Variants in VWA2 observed in about 807,000 individuals in gnomAD.
The protein encoded by VWA2 is von Willebrand factor A domain containing 2, also known as von Willebrand factor A domain-containing protein 2.
A neutral mutation model predicts 70.4 loss-of-function variants in VWA2; 73 were observed. The ratio of observed to expected loss-of-function variants is 1.04; its 90% CI spans 0.86 to 1.26. The LOEUF is 1.26. VWA2 is among the 50% of genes most tolerant of loss of function. The pLI is 0.00. For synonymous variants in VWA2, 407 were observed against 423.3 expected (o/e 0.96, Z 0.47); for missense variants, 1,011 against 998.5 (o/e 1.01, Z -0.17).
chr10:114,278,654 G>C (rs547927919), intron 7 of VWA2, 65 bp from the exon 8 acceptor site: 2 of 1,597,622 alleles, frequency 1.3e-6, no homozygotes, highest in South Asian at 1.1e-5. Context: ...CTGGGGAAGC[G>C]TGTGTGGCAG....
At chr10:114,254,811 G>A (rs2037285757) in intron 3 of VWA2, 104 bp from the exon 4 acceptor site, 1 of 1,489,648 alleles carries the variant, frequency 6.7e-7, no homozygotes, top group African/African-American at 1.4e-5. Flanking sequence ...ATGCTAAGAG[G>A]GACAGCAGCC....
chr10:114,274,295 A>G (rs1263546862), intron 6 of VWA2, among the ~76,000 whole-genome samples: 3 of 152,202 alleles, frequency 2.0e-5, no homozygotes, highest in African/African-American at 7.2e-5. Flanking sequence ...AAGCAGGGGA[A>G]TGATATCTTC....
chr10:114,272,752 G>A lies in VWA2; in HGVS notation c.384G>A (p.Thr128=), dbSNP rs761067619. The change falls in exon 6 of 14, where the codon ACG becomes ACA. Residue 128 remains threonine (T), a synonymous_variant. Transcript: ENST00000392982. ...TGGGTGTGCACAGAGGAGGGCGCACGGAGACGGAACTTGCTCTGAAATACC... is the reference window on the plus strand; with the variant it reads ...TGGGTGTGCACAGAGGAGGGCGCACAGAGACGGAACTTGCTCTGAAATACC... ...IKRMVFKGGR[T]ETELALKYLL... 2.0e-5 allele frequency: 32 copies of A among 1,605,822 alleles called. No homozygotes were observed. In the South Asian group the frequency reaches 2.5e-4, roughly 12 times the overall value.
rs767669172 is a variant in VWA2 at position 114,278,880 on chromosome 10, G to C, written c.833+29G>C. The C allele has an allele frequency of 2.9e-5, 47 of 1,610,552 alleles. No individual in the cohort carries two copies. The Admixed American group carries it at 6.3e-4, about 22-fold the overall frequency. On this transcript the variant is annotated intron_variant, in intron 8 of 13. Coordinates refer to ENST00000392982, the MANE Select transcript of VWA2 (RefSeq NM_001272046.2). ...TGTCTGCGCGGTCTGGGCTCGGCCT[G>C]GGTGGAGATGAAGGCCCCCACCCCT...
Position 114,289,139 on chromosome 10 carries a change from G to GAT in VWA2, c.1772_1773insAT (p.Ala592TrpfsTer14). 1.2e-6 allele frequency: 2 copies of GAT among 1,613,914 alleles called. No individual in the cohort carries two copies. Among genetic ancestry groups the GAT allele is most frequent in the Non-Finnish European group, 1.7e-6 (2 of 1,179,978 alleles). On this transcript the variant is annotated frameshift_variant, in exon 12 of 14. Coordinates refer to ENST00000392982, the MANE Select transcript of VWA2 (RefSeq NM_001272046.2). LOFTEE classifies it high-confidence loss of function. ...TTCGGGCTGGACACCAAACCCACCC[G>GAT]GGCTGCGATGCTGCGGGCCATTAGC...
At chr10:114,253,151 C>G (rs1589742503) in intron 2 of VWA2, among the ~76,000 whole-genome samples, 1 of 140,488 alleles carries the variant, frequency 7.1e-6, no homozygotes, top group Non-Finnish European at 1.5e-5. Context: ...CTGTGGCCTC[C>G]TCAGTGTCTT....
chr10:114,272,843 G>T lies in VWA2; in HGVS notation c.475G>T (p.Asp159Tyr). Residue 159 changes from aspartate (D) to tyrosine (Y), a missense_variant, in exon 6 of 14, where the codon GAT (aspartate) becomes TAT (tyrosine). Physicochemically the swap from Asp to Tyr is radical, Grantham distance 160. Transcript: ENST00000392982. Reference sequence around the variant, plus strand: ...GCCCCAGATCCTCATCATCGTCACTGATGGGAAGTCCCAGGGGGATGTGGC... The same window carrying T: ...GCCCCAGATCCTCATCATCGTCACTTATGGGAAGTCCCAGGGGGATGTGGC... Reference protein sequence around the residue: ...SVPQILIIVTDGKSQGDVALP... With the variant: ...SVPQILIIVTYGKSQGDVALP... The T allele has an allele frequency of 6.2e-7, 1 of 1,614,108 alleles. No individual in the cohort carries two copies. The highest frequency in any genetic ancestry group is 8.5e-7 in the Non-Finnish European group (1 of 1,180,012).
chr10:114,278,854 TTGTC>T lies in VWA2; in HGVS notation c.833+6_833+9del. 1 of 1,612,708 alleles carries T rather than the reference TTGTC, an allele frequency of 6.2e-7. No individual in the cohort carries two copies. The highest frequency in any genetic ancestry group is 8.5e-7 in the Non-Finnish European group (1 of 1,180,002). On this transcript the variant is annotated splice_donor_5th_base_variant and intron_variant, in intron 8 of 13. Coordinates refer to ENST00000392982, the MANE Select transcript of VWA2 (RefSeq NM_001272046.2). ...GCTGCACACTGTCCCTTCTACAGGT[TTGTC>T]TGCGCGGTCTGGGCTCGGCCTGGGT...
At chr10:114,287,721 G>A (rs1300549283) in intron 11 of VWA2, among the ~76,000 whole-genome samples, 2 of 152,106 alleles carry the variant, frequency 1.3e-5, no homozygotes, top group African/African-American at 4.8e-5. Context: ...TAGATTTATA[G>A]GAAAAAATAA....
At chr10:114,284,568 C>T (rs1475024164) in intron 9 of VWA2, among the ~76,000 whole-genome samples, 2 of 152,238 alleles carry the variant, frequency 1.3e-5, no homozygotes, top group Non-Finnish European at 2.9e-5. Context: ...GAGGCACCCA[C>T]ACTTGATGCT....
rs2039867781 is a variant in VWA2, at chr10:114,294,293, A to T, written c.*3056A>T. Among the ~76,000 whole-genome samples, 1 of 152,176 alleles carries T rather than the reference A, an allele frequency of 6.6e-6. No homozygotes were observed. The highest frequency in any genetic ancestry group is 6.5e-5 in the Admixed American group (1 of 15,274). On this transcript the variant is annotated 3_prime_UTR_variant, in exon 14 of 14. Coordinates refer to ENST00000392982, the MANE Select transcript of VWA2 (RefSeq NM_001272046.2). ...CAGAGCTATACTAACCTTATAATGG[A>T]AAATACATATTTCTCAAACTTTTAC... is the stretch of plus-strand genomic sequence containing the variant.
rs1564734506 is a variant in VWA2, at chr10:114,282,543, T to A, written c.861T>A (p.Pro287=). 6.2e-7 allele frequency: 1 copy of A among 1,614,038 alleles called. No individual in the cohort carries two copies. The highest frequency in any genetic ancestry group is 8.5e-7 in the Non-Finnish European group (1 of 1,180,006). ...YSWKRVFLTH[P]ATCYRTTCPG... is the part of the protein sequence containing the mutation. ...GGAAGAGAGTGTTCCTAACCCACCC[T>A]GCCACCTGCTACAGGACCACCTGCC... Residue 287 remains proline, a synonymous_variant, in exon 9 of 14, where the codon CCT becomes CCA. Coordinates refer to ENST00000392982, the MANE Select transcript of VWA2 (RefSeq NM_001272046.2).
chr10:114,273,603 C>T (rs1379094418), intron 6 of VWA2, among the ~76,000 whole-genome samples: 2 of 152,146 alleles, frequency 1.3e-5, no homozygotes, highest in Non-Finnish European at 2.9e-5. Flanking sequence ...AAAAAATGGA[C>T]GTCACTTATG....
chr10:114,271,222 A>G (rs1175833643), intron 5 of VWA2, among the ~76,000 whole-genome samples: 1 of 152,206 alleles, frequency 6.6e-6, no homozygotes, highest in East Asian at 1.9e-4. Flanking sequence ...CACAGGTTGA[A>G]AAAAAAGTAA....
rs117347380 is a variant in VWA2, at chr10:114,245,211, C to T, written c.-10-3493C>T. Reference sequence around the variant, plus strand: ...CTATTTTAATGAGCAGAAACTTGGGCGCCTCTGGAAAAACATGCAGCTGGG... The same window carrying T: ...CTATTTTAATGAGCAGAAACTTGGGTGCCTCTGGAAAAACATGCAGCTGGG... On this transcript the variant is annotated intron_variant, in intron 1 of 13. Transcript: ENST00000392982. Among the ~76,000 whole-genome samples, 61 of 152,274 alleles carry T rather than the reference C, an allele frequency of 4.0e-4. No individual in the cohort carries two copies. In the East Asian group the frequency reaches 8.9e-3, roughly 22 times the overall value.
chr10:114,266,335 G>A (rs1564722257), intron 5 of VWA2, among the ~76,000 whole-genome samples: 1 of 152,026 alleles, frequency 6.6e-6, no homozygotes. Flanking sequence ...GTACGTAGTA[G>A]GTATATATAT....
chr10:114,288,789 G>A, intron 11 of VWA2, 149 bp from the exon 12 acceptor site: 1 of 748,450 alleles, frequency 1.3e-6, no homozygotes, highest in Non-Finnish European at 2.2e-6. Context: ...GCTGTTCTGT[G>A]GCTAAAAGGA....
intron 12 of VWA2, chr10:114,289,767 A>G (rs1213335571): frequency 8.1e-6 from 4 of 492,822 alleles, no homozygotes; most frequent in South Asian, 6.6e-5. Flanking sequence ...ACACTTTTAG[A>G]ATATCCACAA....
intron 5 of VWA2, among the ~76,000 whole-genome samples, chr10:114,264,328 T>A (rs997396292): frequency 6.6e-6 from 1 of 152,230 alleles, no homozygotes; most frequent in Non-Finnish European, 1.5e-5. Context: ...AACAAAATAC[T>A]GATTCATGGT....
Sources: allele counts gnomAD v4.1 joint callset (sites outside exome capture counted in the v4.1 genomes callset), GRCh38; gene constraint gnomAD v4.1.1; transcripts MANE v1.5; gene names NCBI Gene and HGNC (gene_info 2026-07-23, HGNC 2026-07-21).